The following TUSC3 variants were observed in gnomAD, a reference collection of about 807,000 sequenced individuals.
TUSC3 encodes dolichyl-diphosphooligosaccharide--protein glycosyltransferase subunit TUSC3.
Under a neutral mutation model 44.8 loss-of-function variants are expected in TUSC3, and 45 were observed. The ratio of observed to expected loss-of-function variants is 1.00; its 90% CI spans 0.79 to 1.29. TUSC3 has a LOEUF of 1.29. Among genes scored for constraint, TUSC3 ranks in the 50% most tolerant of loss-of-function variants. The pLI is 0.00. For synonymous variants in TUSC3, 212 were observed against 152.9 expected, an observed-to-expected ratio of 1.39 and a Z score of -2.85; for missense variants, 519 against 437.9, an observed-to-expected ratio of 1.19 and a Z score of -1.65.
At chr8:15,602,974 TTTGAA>T (rs2129155260) in intron 1 of TUSC3, among the ~76,000 whole-genome samples, 1 of 151,658 alleles carries the variant, frequency 6.6e-6, no homozygotes, top group African/African-American at 2.4e-5. Context: ...GGGAAGGTCT[TTTGAA>T]ATAAGACTGA....
chr8:15,502,679 G>C (rs1159148723), intron 2 of TUSC3, among the ~76,000 whole-genome samples: 3 of 152,186 alleles, frequency 2.0e-5, no homozygotes, highest in South Asian at 2.1e-4. Flanking sequence ...TTTTAGTAGA[G>C]TCAGGGTTTC....
At chr8:15,758,251 G>A in intron 10 of TUSC3, 2 of 984,890 alleles carry the variant, frequency 2.0e-6, no homozygotes, top group Non-Finnish European at 2.4e-6. Flanking sequence ...AATATTCAAG[G>A]GTAATAAAAA....
chr8:15,421,404 C>T (rs1799736122), intron 1 of TUSC3, among the ~76,000 whole-genome samples: 1 of 152,146 alleles, frequency 6.6e-6, no homozygotes, highest in African/African-American at 2.4e-5. Flanking sequence ...CTTGCTGCAA[C>T]ACTCCTTCAG....
intron 1 of TUSC3, among the ~76,000 whole-genome samples, chr8:15,549,383 A>C (rs1801977219): frequency 6.6e-6 from 1 of 151,518 alleles, no homozygotes; most frequent in African/African-American, 2.4e-5. Flanking sequence ...CATGTTGATC[A>C]GGCTGGTCTC....
chr8:15,572,885 A>G (rs887778291), intron 1 of TUSC3, among the ~76,000 whole-genome samples: 5 of 152,068 alleles, frequency 3.3e-5, no homozygotes, highest in Admixed American at 2.6e-4. Context: ...TGGTGCCCCA[A>G]AACAATCACA....
chr8:15,480,154 A>ACACGC (rs1311609887), intron 1 of TUSC3, among the ~76,000 whole-genome samples: 2 of 152,242 alleles, frequency 1.3e-5, no homozygotes, highest in Non-Finnish European at 2.9e-5. Flanking sequence ...AAGGAGAACT[A>ACACGC]CACGCCACTG....
At chr8:15,659,885 G>C (rs1004028830) in intron 4 of TUSC3, among the ~76,000 whole-genome samples, 3 of 151,978 alleles carry the variant, frequency 2.0e-5, no homozygotes, top group African/African-American at 7.2e-5. Flanking sequence ...TTAAGCACAA[G>C]GTAATTTCAG....
intron 1 of TUSC3, among the ~76,000 whole-genome samples, chr8:15,601,319 T>A (rs1804280866): frequency 6.6e-6 from 1 of 151,814 alleles, no homozygotes; most frequent in Non-Finnish European, 1.5e-5. Flanking sequence ...CTCAAACTGT[T>A]CTGTGACCAG....
At chr8:15,739,805 A>C (rs566209648) in intron 7 of TUSC3, among the ~76,000 whole-genome samples, 25 of 152,170 alleles carry the variant, frequency 1.6e-4, no homozygotes, top group Non-Finnish European at 2.9e-4. Context: ...ATTTTCATCT[A>C]ATCCTGATAT....
intron 1 of TUSC3, among the ~76,000 whole-genome samples, chr8:15,595,009 G>T (rs13253051): frequency 0.29 from 44,139 of 151,912 alleles, 6,778 homozygotes; most frequent in Non-Finnish European, 0.34. Context: ...ATGATACTCT[G>T]GGCTAAAGCT....
At chr8:15,595,594 C>T (rs1057510977) in intron 1 of TUSC3, among the ~76,000 whole-genome samples, 2 of 152,050 alleles carry the variant, frequency 1.3e-5, no homozygotes, top group African/African-American at 4.8e-5. Flanking sequence ...TTGTTTCAGG[C>T]GGGTGGGCAA....
At chr8:15,703,175 T>A (rs1012497898) in intron 6 of TUSC3, among the ~76,000 whole-genome samples, 1 of 152,132 alleles carries the variant, frequency 6.6e-6, no homozygotes. Flanking sequence ...CTAAACTCTT[T>A]ATGAATTCAA....
At chr8:15,753,751 A>G (rs1811806025) in intron 9 of TUSC3, among the ~76,000 whole-genome samples, 2 of 152,192 alleles carry the variant, frequency 1.3e-5, no homozygotes, top group East Asian at 3.9e-4. Context: ...TGTGACTAAA[A>G]GACTGCAGAG....
intron 5 of TUSC3, among the ~76,000 whole-genome samples, chr8:15,663,068 C>G (rs1000608923): frequency 6.6e-6 from 1 of 151,668 alleles, no homozygotes; most frequent in Non-Finnish European, 1.5e-5. Flanking sequence ...CAGCTCACAG[C>G]CAATAGCCGA....
intron 1 of TUSC3, among the ~76,000 whole-genome samples, chr8:15,546,203 C>G (rs1011903673): frequency 9.9e-5 from 15 of 151,992 alleles, no homozygotes; most frequent in African/African-American, 3.6e-4. Flanking sequence ...TCTGCAGCTT[C>G]TCAAACTGAG....
At chr8:15,610,950 C>G (rs868373640) in intron 1 of TUSC3, among the ~76,000 whole-genome samples, 1 of 152,018 alleles carries the variant, frequency 6.6e-6, no homozygotes, top group African/African-American at 2.4e-5. Flanking sequence ...TTTAATATGT[C>G]TCTAGAAAAA....
At chr8:15,803,464 TTAATA>T in the TUSC3 span, among the ~76,000 whole-genome samples, 10,022 of 152,082 alleles carry the variant, frequency 0.066, 1,119 homozygotes, top group African/African-American at 0.23. Flanking sequence ...ACTAAAGAAT[TTAATA>T]TGACAACAAA....
intron 2 of TUSC3, among the ~76,000 whole-genome samples, chr8:15,497,547 G>T (rs1800900303): frequency 6.6e-6 from 1 of 152,122 alleles, no homozygotes; most frequent in South Asian, 2.1e-4. Context: ...ATTCTTCGGA[G>T]GGGTGGCATT....
At chr8:15,611,182 G>T (rs1170967326) in intron 1 of TUSC3, among the ~76,000 whole-genome samples, 1 of 152,014 alleles carries the variant, frequency 6.6e-6, no homozygotes, top group African/African-American at 2.4e-5. Context: ...GAACTTTTTT[G>T]TTGTTGCTGT....
Sources: allele counts gnomAD v4.1 joint callset (sites outside exome capture counted in the v4.1 genomes callset), GRCh38; gene constraint gnomAD v4.1.1; transcripts MANE v1.5; gene names NCBI Gene and HGNC (gene_info 2026-07-23, HGNC 2026-07-21).